The following LIPA variants were observed in gnomAD, a reference collection of about 807,000 sequenced individuals.
LIPA encodes the protein lysosomal acid lipase/cholesteryl ester hydrolase.
In LIPA, 26 loss-of-function variants were observed where a neutral mutation model predicts 40.6. The ratio of observed to expected loss-of-function variants is 0.64; its 90% CI spans 0.47 to 0.89. LIPA has a LOEUF of 0.89. Among genes scored for constraint, LIPA ranks in the 40% least tolerant of loss-of-function variants. The pLI is 0.00. For synonymous variants in LIPA, 188 were observed against 168.4 expected (o/e 1.12, Z -0.90); for missense variants, 455 against 479.6 (o/e 0.95, Z 0.48).
chr10:89,403,250 C>T (rs1233137839), intron 2 of LIPA: 1 of 1,614,014 alleles, frequency 6.2e-7, no homozygotes, highest in African/African-American at 1.3e-5. Context: ...TAAGATCAGC[C>T]ATATTTCATT....
chr10:89,327,663 A>G (rs1206722558), intron 1 of LIPA, among the ~76,000 whole-genome samples: 2 of 152,216 alleles, frequency 1.3e-5, no homozygotes, highest in Non-Finnish European at 2.9e-5. Context: ...TTTTCAGGTT[A>G]ACTTTGGAAT....
chr10:89,336,637 A>G (rs1420736590), intron 1 of LIPA, among the ~76,000 whole-genome samples: 3 of 152,242 alleles, frequency 2.0e-5, no homozygotes, highest in Admixed American at 6.5e-5. Flanking sequence ...TTCTGAGATT[A>G]CTTTTTCAGT....
chr10:89,231,321 C>T (rs1298819659), intron 3 of LIPA, among the ~76,000 whole-genome samples: 1 of 152,312 alleles, frequency 6.6e-6, no homozygotes, highest in East Asian at 1.9e-4. Flanking sequence ...GACAGTTCTG[C>T]TGCAAGGTAG....
intron 2 of LIPA, among the ~76,000 whole-genome samples, chr10:89,401,177 C>T (rs76235720): frequency 0.019 from 2,827 of 150,482 alleles, 93 homozygotes; most frequent in African/African-American, 0.066. Flanking sequence ...AGTGCAGTGG[C>T]GCGATCTCAG....
intron 2 of LIPA, among the ~76,000 whole-genome samples, chr10:89,354,300 A>C (rs1843977743): frequency 6.6e-6 from 1 of 152,212 alleles, no homozygotes; most frequent in Non-Finnish European, 1.5e-5. Context: ...AAATCAACGT[A>C]CATCTTACAT....
intron 2 of LIPA, chr10:89,383,441 T>A: frequency 1.9e-6 from 3 of 1,614,216 alleles, no homozygotes; most frequent in Non-Finnish European, 2.5e-6. Flanking sequence ...TGGGAAGAGA[T>A]TCAGTTCCTG....
At chr10:89,319,928 A>T (rs917468167) in intron 1 of LIPA, among the ~76,000 whole-genome samples, 5 of 152,222 alleles carry the variant, frequency 3.3e-5, no homozygotes, top group Admixed American at 2.6e-4. Flanking sequence ...CAAATTAATA[A>T]ATGTAATCCA....
chr10:89,256,536 T>G (rs959050816), upstream of LIPA, among the ~76,000 whole-genome samples: 1 of 152,194 alleles, frequency 6.6e-6, no homozygotes, highest in African/African-American at 2.4e-5. Context: ...CAAGTGCCAA[T>G]GACAGCTTAA....
At chr10:89,238,010 G>A (rs989574885) in intron 3 of LIPA, among the ~76,000 whole-genome samples, 1 of 152,238 alleles carries the variant, frequency 6.6e-6, no homozygotes, top group Admixed American at 6.5e-5. Context: ...CACTGAAGAT[G>A]CCATTGTTGT....
rs536162883 is a variant in LIPA at position 89,265,666 on chromosome 10, G to A, written c.-1-18017C>T. On this transcript the variant is annotated intron_variant, in intron 1 of 5. Transcript: ENST00000282673. ...TATGCAGTCTAGTTTCTAACACTGG[G>A]AAAGATTGGAAACTCATAAAAGATG... 4.6e-5 allele frequency among the ~76,000 whole-genome samples: 7 copies of A among 152,272 alleles called. No homozygotes were observed. In the South Asian group the frequency reaches 8.3e-4, roughly 18 times the overall value.
At chr10:89,409,166 A>G (rs1241350351) in intron 2 of LIPA, among the ~76,000 whole-genome samples, 22 of 152,348 alleles carry the variant, frequency 1.4e-4, no homozygotes, top group Admixed American at 1.4e-3. Flanking sequence ...AGCCACAGAT[A>G]TCAGGAGAAA....
chr10:89,257,950 G>C (rs1418911939), intron 1 of LIPA, among the ~76,000 whole-genome samples: 1 of 152,162 alleles, frequency 6.6e-6, no homozygotes, highest in Non-Finnish European at 1.5e-5. Flanking sequence ...GATCCCCAAG[G>C]CTCACACAAA....
intron 3 of LIPA, among the ~76,000 whole-genome samples, chr10:89,231,744 C>G (rs185944008): frequency 6.6e-6 from 1 of 152,132 alleles, no homozygotes; most frequent in East Asian, 1.9e-4. Context: ...TCTCAAAGTG[C>G]GGGGATTACA....
At chr10:89,393,761 C>T (rs937861075) in intron 2 of LIPA, among the ~76,000 whole-genome samples, 1 of 152,136 alleles carries the variant, frequency 6.6e-6, no homozygotes, top group African/African-American at 2.4e-5. Context: ...AAATCCATTA[C>T]TTAATACTGA....
chr10:89,330,955 A>G lies in LIPA; in HGVS notation c.-2+11656T>C, dbSNP rs567702282. ...CCAGAATCTCTGGGAGTAGGACTGC[A>G]TAGTCAGTACTGTCAATATACAATA... On this transcript the variant is annotated intron_variant, in intron 1 of 5. Transcript: ENST00000282673. Among the ~76,000 whole-genome samples the G allele has an allele frequency of 7.5e-4, 115 of 152,348 alleles. 1 individual carries two copies. Among genetic ancestry groups the G allele is most frequent in the African/African-American group, 2.7e-3 (112 of 41,584 alleles).
At chr10:89,269,154 G>T (rs146861333) in intron 1 of LIPA, among the ~76,000 whole-genome samples, 1 of 150,286 alleles carries the variant, frequency 6.7e-6, no homozygotes, top group Admixed American at 6.6e-5. Context: ...GTGAAACCCC[G>T]TCTCTACTAA....
At chr10:89,242,095 A>G (rs1253354105) in intron 3 of LIPA, among the ~76,000 whole-genome samples, 1 of 152,208 alleles carries the variant, frequency 6.6e-6, no homozygotes, top group African/African-American at 2.4e-5. Context: ...CCAGGCAGGA[A>G]TCTGAGATCC....
At chr10:89,230,043 G>A (rs1010898117) in intron 3 of LIPA, among the ~76,000 whole-genome samples, 1 of 152,144 alleles carries the variant, frequency 6.6e-6, no homozygotes, top group Non-Finnish European at 1.5e-5. Flanking sequence ...GTCTGCCTGT[G>A]AGAATTTATT....
At chr10:89,383,188 C>T in intron 2 of LIPA, 1 of 778,994 alleles carries the variant, frequency 1.3e-6, no homozygotes, top group South Asian at 1.8e-5. Flanking sequence ...ACTGTAGAAC[C>T]CAGAGGGGCA....
Sources: gnomAD v4.1 joint callset for allele counts (sites outside exome capture counted in the v4.1 genomes callset) on GRCh38, gnomAD v4.1.1 for gene constraint, MANE v1.5 for transcripts, NCBI Gene and HGNC (gene_info 2026-07-23, HGNC 2026-07-21) for gene names.